Variants in PCDH15 observed in about 807,000 individuals in gnomAD.
PCDH15 encodes protocadherin-15.
PCDH15 carries 129 observed loss-of-function variants against 178.5 expected under a neutral mutation model. The ratio of observed to expected loss-of-function variants is 0.72; its 90% CI spans 0.63 to 0.84. The LOEUF (loss-of-function observed/expected upper bound fraction) is 0.84, where lower values mean the gene tolerates loss of function less well. Among genes scored for constraint, PCDH15 ranks in the 40% least tolerant of loss-of-function variants. The pLI, the probability that PCDH15 is intolerant of heterozygous loss-of-function variation, is 0.00. For synonymous variants in PCDH15, 800 were observed against 732.0 expected (o/e 1.09, Z -1.50); for missense variants, 2,230 against 2,099.9 (o/e 1.06, Z -1.21).
chr10:54,185,164 G>C lies in PCDH15; in HGVS notation c.1410C>G (p.Asp470Glu), dbSNP rs2048377064. The change falls in exon 12 of 38, where the codon GAC (aspartate) becomes GAG (glutamate). Residue 470 changes from aspartate to glutamate, a missense_variant. Coordinates refer to ENST00000644397, the MANE Select transcript of PCDH15 (RefSeq NM_001384140.1). ...TRYLTLLQPV[D>E]REEQQTYTFS... Reference sequence around the variant, plus strand: ...AGGTGTAAGTTTGCTGTTCTTCCCTGTCCACTGGTTGAAGTAAGGTGAGGT... The same window carrying C: ...AGGTGTAAGTTTGCTGTTCTTCCCTCTCCACTGGTTGAAGTAAGGTGAGGT... The C allele has an allele frequency of 1.2e-6, 2 of 1,613,450 alleles. No individual in the cohort carries two copies. Among genetic ancestry groups the C allele is most frequent in the African/African-American group, 2.7e-5 (2 of 74,928 alleles).
rs530721780 is a variant in PCDH15 at position 54,807,739 on chromosome 10, A to C, written c.-29+89711T>G. ...ATTTATATATAAATATGGATAAAGT[A>C]TGCATATACTTATAATAGTATAAAA... On this transcript the variant is annotated intron_variant, in intron 3 of 5. Coordinates refer to the PCDH15 transcript ENST00000458638. Among the ~76,000 whole-genome samples the C allele has an allele frequency of 1.3e-4, 19 of 149,062 alleles. No individual in the cohort carries two copies. The East Asian group carries it at 3.3e-3, about 26-fold the overall frequency.
At chr10:54,726,821 T>C (rs1311403143) in intron 1 of PCDH15, among the ~76,000 whole-genome samples, 1 of 150,734 alleles carries the variant, frequency 6.6e-6, no homozygotes, top group Non-Finnish European at 1.5e-5. Context: ...CTAAGACTGG[T>C]TCTTCAGGTC....
At chr10:55,043,611 G>C (rs1840922733) in intron 2 of PCDH15, among the ~76,000 whole-genome samples, 1 of 151,940 alleles carries the variant, frequency 6.6e-6, no homozygotes, top group Admixed American at 6.6e-5. Context: ...TCGGGAGACT[G>C]AGGCGGGAGG....
In PCDH15 at chr10:53,940,725, C is replaced by A. The variant is rs887907587; in HGVS notation, c.3232+141G>T. On this transcript the variant is annotated intron_variant, in intron 24 of 37. Transcript: ENST00000644397. ...TGGATTTTTAATCGAGTTCAGGATA[C>A]ATGGTTAACAATTACATTTAAGATG... is the stretch of plus-strand genomic sequence containing the variant. The A allele has an allele frequency of 7.2e-6, 5 of 696,172 alleles. No individual in the cohort carries two copies. The African/African-American group carries it at 8.9e-5, about 12-fold the overall frequency. 43.1% of individuals were successfully genotyped at this position (696,172 alleles called of 1,614,324 possible).
intron 3 of PCDH15, among the ~76,000 whole-genome samples, chr10:54,499,849 G>A (rs2080492099): frequency 6.6e-6 from 1 of 152,126 alleles, no homozygotes; most frequent in Non-Finnish European, 1.5e-5. Context: ...ACATTGAGAT[G>A]TGAAAATTCA....
At chr10:55,414,695 G>C (rs937242977) in intron 2 of PCDH15, among the ~76,000 whole-genome samples, 2 of 151,008 alleles carry the variant, frequency 1.3e-5, no homozygotes, top group African/African-American at 4.9e-5. Flanking sequence ...TTGGTGTAAA[G>C]AAATGCACCT....
At chr10:54,761,028 A>G (rs1294142064) in intron 1 of PCDH15, among the ~76,000 whole-genome samples, 1 of 152,092 alleles carries the variant, frequency 6.6e-6, no homozygotes, top group Admixed American at 6.5e-5. Flanking sequence ...TGGTAGTTCA[A>G]AGAAAGACCA....
chr10:55,186,615 C>T (rs1328768701), intron 1 of PCDH15, among the ~76,000 whole-genome samples: 1 of 151,566 alleles, frequency 6.6e-6, no homozygotes, highest in Non-Finnish European at 1.5e-5. Flanking sequence ...TAAACATTTT[C>T]CTAAAAATTT....
At chr10:54,421,818 A>ATATATATATATATATATACACACACAC (rs1565230544) in intron 3 of PCDH15, among the ~76,000 whole-genome samples, 26 of 39,038 alleles carry the variant, frequency 6.7e-4, no homozygotes, top group Non-Finnish European at 1.3e-3. Context: ...TAGTGTGTGT[A>ATATATATATATATATATACACACACAC]TATATATATA....
At chr10:54,004,316 T>C (rs2092301134) in intron 20 of PCDH15, among the ~76,000 whole-genome samples, 1 of 150,842 alleles carries the variant, frequency 6.6e-6, no homozygotes, top group African/African-American at 2.4e-5. Context: ...AAAATAATGA[T>C]CATCTAAATT....
At chr10:54,667,443 C>G (rs1026594011) in intron 1 of PCDH15, among the ~76,000 whole-genome samples, 1 of 152,108 alleles carries the variant, frequency 6.6e-6, no homozygotes, top group Non-Finnish European at 1.5e-5. Flanking sequence ...AATCAACTGA[C>G]AGCCTATAGT....
intron 25 of PCDH15, among the ~76,000 whole-genome samples, chr10:53,924,632 G>C (rs1044484642): frequency 1.3e-5 from 2 of 152,260 alleles, no homozygotes; most frequent in African/African-American, 4.8e-5. Context: ...GGTGAAGCCA[G>C]CTGGGCTCCT....
intron 8 of PCDH15, among the ~76,000 whole-genome samples, chr10:54,259,540 A>C (rs146770546): frequency 1.3e-5 from 2 of 152,338 alleles, no homozygotes; most frequent in African/African-American, 4.8e-5. Flanking sequence ...AAGAAGTAGA[A>C]AGCAAACATA....
At chr10:54,010,022 C>T (rs2092522901) in intron 20 of PCDH15, among the ~76,000 whole-genome samples, 1 of 152,176 alleles carries the variant, frequency 6.6e-6, no homozygotes, top group South Asian at 2.1e-4. Flanking sequence ...TTGCAGGCCT[C>T]ATCTCAGCTG....
At chr10:55,450,919 T>C (rs1031210627) in intron 2 of PCDH15, among the ~76,000 whole-genome samples, 1 of 147,012 alleles carries the variant, frequency 6.8e-6, no homozygotes, top group Non-Finnish European at 1.5e-5. Context: ...GAAAATTATA[T>C]TTTAAGAATT....
intron 3 of PCDH15, among the ~76,000 whole-genome samples, chr10:54,837,379 G>A (rs527507872): frequency 2.6e-5 from 4 of 152,094 alleles, no homozygotes; most frequent in African/African-American, 7.2e-5. Context: ...CACACACTGC[G>A]CCAATTGCAA....
chr10:54,950,814 G>T (rs1733489648), intron 2 of PCDH15, among the ~76,000 whole-genome samples: 1 of 151,864 alleles, frequency 6.6e-6, no homozygotes, highest in African/African-American at 2.4e-5. Context: ...ACAAGATTTT[G>T]GGTGGGGACA....
chr10:54,638,569 C>G (rs867667511), intron 2 of PCDH15, among the ~76,000 whole-genome samples: 4 of 152,064 alleles, frequency 2.6e-5, no homozygotes, highest in South Asian at 4.1e-4. Context: ...TAAGATAGTG[C>G]CTGGCTTCCA....
chr10:53,980,798 G>C (rs537171971), intron 21 of PCDH15, among the ~76,000 whole-genome samples: 43 of 152,260 alleles, frequency 2.8e-4, no homozygotes, highest in African/African-American at 1.0e-3. Context: ...ATATACTCTA[G>C]AGTGCCCAAA....
Sources: gnomAD v4.1 joint callset for allele counts (sites outside exome capture counted in the v4.1 genomes callset) on GRCh38, gnomAD v4.1.1 for gene constraint, MANE v1.5 for transcripts, NCBI Gene and HGNC (gene_info 2026-07-23, HGNC 2026-07-21) for gene names.